Variants in KLF16 observed in about 807,000 individuals in gnomAD.
KLF16 encodes Krueppel-like factor 16.
Under a neutral mutation model 6.1 loss-of-function variants are expected in KLF16, and 6 were observed. The observed-to-expected ratio is 0.98, with a 90% CI of 0.54 to 1.93. The LOEUF (loss-of-function observed/expected upper bound fraction) is 1.93, where lower values mean the gene tolerates loss of function less well. Among genes scored for constraint, KLF16 ranks in the 30% most tolerant of loss-of-function variants. KLF16 has a pLI of 0.01. For missense variants in KLF16, 355 were observed against 363.8 expected (o/e 0.98, Z 0.20); for synonymous variants, 211 against 176.5 (o/e 1.20, Z -1.55).
chr19:1,864,129 G>GCGGCCGGCGGGAGC (rs2012140602), upstream of KLF16, among the ~76,000 whole-genome samples: 1 of 147,208 alleles, frequency 6.8e-6, no homozygotes, highest in Non-Finnish European at 1.5e-5. Context: ...GCCGGGGCGC[G>GCGGCCGGCGGGAGC]CGGCCGGCGG....
chr19:1,860,164 G>GTC (rs2012035719), intron 1 of KLF16: 4 of 151,768 alleles, frequency 2.6e-5, no homozygotes. Context: ...GGAGAGCAGG[G>GTC]AGCCGACAGC....
rs2145370969 is a variant in KLF16, at chr19:1,863,565, G to A, written c.-68C>T. On this transcript the variant is annotated 5_prime_UTR_variant, in exon 1 of 2. Transcript: ENST00000250916. The stretch of plus-strand genomic sequence containing the variant: ...CGGGAGCGGCGTCCGTCCGGCCGGC[G>A]GCGGCTGCTCGAGTGCGGGAGGCGG... 6.1e-6 allele frequency: 5 copies of A among 819,428 alleles called. No individual in the cohort carries two copies. The highest frequency in any genetic ancestry group is 5.3e-5 in the South Asian group (1 of 18,764). 50.8% of individuals were successfully genotyped at this position (819,428 alleles called of 1,614,324 possible). A position where few individuals can be genotyped will look rare whatever the true frequency, so the allele number is the denominator to read the frequency against.
upstream of KLF16, among the ~76,000 whole-genome samples, chr19:1,863,813 G>A (rs1319081215): frequency 1.4e-5 from 2 of 142,408 alleles, no homozygotes; most frequent in African/African-American, 2.6e-5. Flanking sequence ...GGCTCGGGCC[G>A]GAGGAACCCG....
chr19:1,867,155 C>G (rs2012200586), upstream of KLF16, among the ~76,000 whole-genome samples: 1 of 152,208 alleles, frequency 6.6e-6, no homozygotes, highest in South Asian at 2.1e-4. Flanking sequence ...GAGCCAGGAA[C>G]TGGGGCCTTG....
chr19:1,869,510 G>A, the KLF16 span, among the ~76,000 whole-genome samples: 6 of 152,042 alleles, frequency 3.9e-5, no homozygotes, highest in Non-Finnish European at 5.9e-5. Flanking sequence ...TGGTTTTGAC[G>A]GGGTGTTACC....
chr19:1,863,144 G>C lies in KLF16; in HGVS notation c.354C>G (p.Ala118=). 7.6e-7 allele frequency: 1 copy of C among 1,317,190 alleles called. No homozygotes were observed. Among genetic ancestry groups the C allele is most frequent in the Non-Finnish European group, 9.8e-7 (1 of 1,015,394 alleles). 81.6% of individuals were successfully genotyped at this position (1,317,190 alleles called of 1,614,324 possible). A position where few individuals can be genotyped will look rare whatever the true frequency, so the allele number is the denominator to read the frequency against. ...GGCTCTTGGCGGCGGCGGAGGGCGC[G>C]GCGCCGGGGGCGCGGCCCGAGGACG... is the stretch of plus-strand genomic sequence containing the variant. ...SSPSSGRAPG[A]APSAAAKSHR... is the part of the protein sequence containing the mutation. Residue 118 remains alanine, a synonymous_variant, in exon 1 of 2, where the codon GCC becomes GCG. Coordinates refer to ENST00000250916, the MANE Select transcript of KLF16 (RefSeq NM_031918.4).
chr19:1,861,258 A>G (rs1015810007), intron 1 of KLF16, among the ~76,000 whole-genome samples: 3 of 152,116 alleles, frequency 2.0e-5, no homozygotes, highest in Non-Finnish European at 2.9e-5. Context: ...AAACTCAGAA[A>G]ACCCAAATGG....
intron 1 of KLF16, among the ~76,000 whole-genome samples, chr19:1,855,981 CCT>C (rs2011941393): frequency 6.6e-6 from 1 of 152,242 alleles, no homozygotes; most frequent in Admixed American, 6.5e-5. Context: ...AACCAACTCC[CCT>C]GAGTGGCCCC....
At position 1,862,758 on chromosome 19, in the gene KLF16, G is replaced by A. The variant is rs1363041975; in HGVS notation, c.457+283C>T. 5 of 367,620 alleles carry A rather than the reference G, an allele frequency of 1.4e-5. No homozygotes were observed. In the East Asian group the frequency reaches 1.5e-4, roughly 11 times the overall value. 22.8% of individuals were successfully genotyped at this position (367,620 alleles called of 1,614,324 possible). A position where few individuals can be genotyped will look rare whatever the true frequency, so the allele number is the denominator to read the frequency against. Reference sequence around the variant, plus strand: ...GAACAAGGCCCAGAAAGGGAGAGAGGTGGTCTGCCCAGGAGTCTCAATCCC... The same window carrying A: ...GAACAAGGCCCAGAAAGGGAGAGAGATGGTCTGCCCAGGAGTCTCAATCCC... On this transcript the variant is annotated intron_variant, in intron 1 of 1. Coordinates refer to ENST00000250916, the MANE Select transcript of KLF16 (RefSeq NM_031918.4).
intron 1 of KLF16, among the ~76,000 whole-genome samples, chr19:1,858,234 T>C (rs1440996016): frequency 6.6e-6 from 1 of 151,752 alleles, no homozygotes; most frequent in Non-Finnish European, 1.5e-5. Context: ...AGCTCACTCC[T>C]GGACTAGTGC....
rs1356755831 is a variant in KLF16 at position 1,863,213 on chromosome 19, C to T, written c.285G>A (p.Pro95=). 8.9e-7 allele frequency: 1 copy of T among 1,126,858 alleles called. No homozygotes were observed. Among genetic ancestry groups the T allele is most frequent in the East Asian group, 4.5e-5 (1 of 22,074 alleles). The allele number at this position is 1,126,858 out of a possible 1,614,324, so 69.8% of individuals were successfully genotyped here. A position where few individuals can be genotyped will look rare whatever the true frequency, so the allele number is the denominator to read the frequency against. ...AGGAGGAGGCGGGCGAGGCGCCCCC[C>T]GGGGCGGCTCCGGGTCCGCCGCGCA... ...ADLRGGPGAA[P]GGASPASSSS... The change falls in exon 1 of 2, where the codon CCG becomes CCA. Residue 95 remains proline (P), a synonymous_variant. Transcript: ENST00000250916.
chr19:1,863,294 C>T lies in KLF16; in HGVS notation c.204G>A (p.Pro68=). 1.0e-6 allele frequency: 1 copy of T among 980,158 alleles called. No homozygotes were observed. Among genetic ancestry groups the T allele is most frequent in the South Asian group, 4.6e-5 (1 of 21,730 alleles). The allele number at this position is 980,158 out of a possible 1,614,324, so 60.7% of individuals were successfully genotyped here. The stretch of plus-strand genomic sequence containing the variant: ...GGGGCGCCGCGGCGGCGCCGGGGCC[C>T]GGGCCAGAAGCGGCGGGGGGCGGCG... ...PPPPPPAASG[P]GPGAAAAPHL... is the part of the protein sequence containing the mutation. Residue 68 remains proline, a synonymous_variant, in exon 1 of 2, where the codon CCG becomes CCA. Transcript: ENST00000250916.
chr19:1,870,281 T>C, the KLF16 span, among the ~76,000 whole-genome samples: 1 of 152,054 alleles, frequency 6.6e-6, no homozygotes, highest in Non-Finnish European at 1.5e-5. Flanking sequence ...GTGACTGGAC[T>C]GAATAATAAT....
At chr19:1,876,496 A>G in the KLF16 span, among the ~76,000 whole-genome samples, 2 of 152,168 alleles carry the variant, frequency 1.3e-5, no homozygotes. Context: ...TCGGGGCCCA[A>G]GCACCTGCCA....
At chr19:1,863,787 C>A (rs1406524858), upstream of KLF16, among the ~76,000 whole-genome samples, 1 of 143,426 alleles carries the variant, frequency 7.0e-6, no homozygotes, top group African/African-American at 2.5e-5. Flanking sequence ...GAGCCGCGCG[C>A]GGCCGCCGGG....
chr19:1,855,130 G>A (rs2011921986), intron 1 of KLF16, among the ~76,000 whole-genome samples: 2 of 152,310 alleles, frequency 1.3e-5, no homozygotes, highest in Admixed American at 1.3e-4. Flanking sequence ...GCCTCCCAGT[G>A]TCTGTCCCAG....
upstream of KLF16, among the ~76,000 whole-genome samples, chr19:1,864,498 G>A (rs188014953): frequency 5.3e-5 from 8 of 152,158 alleles, no homozygotes; most frequent in East Asian, 1.6e-3. Context: ...CTACTAGAGC[G>A]CGCCCCACTG....
the KLF16 span, among the ~76,000 whole-genome samples, chr19:1,876,452 C>T: frequency 8.6e-4 from 131 of 152,362 alleles, no homozygotes; most frequent in African/African-American, 2.5e-3. Context: ...GTGATCCCAG[C>T]TCCAGTGTCG....
In KLF16 at chr19:1,854,846, G is replaced by A. The variant is rs1039239483; in HGVS notation, c.458-86C>T. 2.1e-5 allele frequency: 30 copies of A among 1,453,144 alleles called. No individual in the cohort carries two copies. In the Admixed American group the frequency reaches 2.5e-4, roughly 12 times the overall value. 90.0% of individuals were successfully genotyped at this position (1,453,144 alleles called of 1,614,324 possible). A position where few individuals can be genotyped will look rare whatever the true frequency, so the allele number is the denominator to read the frequency against. On this transcript the variant is annotated intron_variant, in intron 1 of 1. Transcript: ENST00000250916. ...GTTCCAGCAGATCCCAAAGGGTGGC[G>A]GGCATTTGTCCCGTGCCGTTTTAGA...
Sources: allele counts gnomAD v4.1 joint callset (sites outside exome capture counted in the v4.1 genomes callset), GRCh38; gene constraint gnomAD v4.1.1; transcripts MANE v1.5; gene names NCBI Gene and HGNC (gene_info 2026-07-23, HGNC 2026-07-21).